CDH12: variants seen among roughly 807,000 people sequenced by gnomAD.
CDH12 encodes the protein cadherin 12, also known as cadherin-12.
In CDH12, 41 loss-of-function variants were observed where a neutral mutation model predicts 74.1. The observed-to-expected ratio is 0.55, with a 90% CI of 0.43 to 0.72. The LOEUF is 0.72. CDH12 is among the 30% of genes least tolerant of loss of function. The pLI is 0.00. For missense variants in CDH12, 945 were observed against 977.2 expected (o/e 0.97, Z 0.44); for synonymous variants, 399 against 355.0 (o/e 1.12, Z -1.39).
At chr5:22,350,140 A>G (rs1740298475) in intron 3 of CDH12, among the ~76,000 whole-genome samples, 1 of 152,232 alleles carries the variant, frequency 6.6e-6, no homozygotes, top group African/African-American at 2.4e-5. Flanking sequence ...CTAAGAAAAA[A>G]GAGAAAAGAC....
intron 1 of CDH12, among the ~76,000 whole-genome samples, chr5:22,817,761 G>A (rs1581030423): frequency 6.6e-6 from 1 of 152,254 alleles, no homozygotes; most frequent in South Asian, 2.1e-4. Flanking sequence ...GCTGTTAAAA[G>A]TAAATGGCTT....
intron 3 of CDH12, among the ~76,000 whole-genome samples, chr5:22,319,463 T>G (rs2150435809): frequency 6.6e-6 from 1 of 152,298 alleles, no homozygotes; most frequent in African/African-American, 2.4e-5. Context: ...ATTTAGGGTT[T>G]GTCTATGTGG....
At chr5:22,300,247 T>C (rs1248326095) in intron 3 of CDH12, among the ~76,000 whole-genome samples, 2 of 152,216 alleles carry the variant, frequency 1.3e-5, no homozygotes, top group Non-Finnish European at 2.9e-5. Flanking sequence ...TGGTATGCAC[T>C]TCGGCTTTGT....
intron 1 of CDH12, among the ~76,000 whole-genome samples, chr5:22,775,182 T>G (rs2126325281): frequency 6.6e-6 from 1 of 152,192 alleles, no homozygotes; most frequent in South Asian, 2.1e-4. Flanking sequence ...TAAGTGAAAT[T>G]TTGACCTAGT....
rs183195337 is a variant in CDH12 at position 22,169,227 on chromosome 5, C to T, written c.-187+43271G>A. Among the ~76,000 whole-genome samples, 399 of 151,578 alleles carry T rather than the reference C, an allele frequency of 2.6e-3. 3 individuals are homozygous for T. Among genetic ancestry groups the T allele is most frequent in the Non-Finnish European group, 4.2e-3 (282 of 67,804 alleles). ...TTTTTTCACTTTATCCTCTTCTACT[C>T]ATATTTATATATGCATATAAAGAGA... On this transcript the variant is annotated intron_variant, in intron 4 of 14. Transcript: ENST00000382254.
chr5:22,184,810 T>C (rs1205298778), intron 4 of CDH12, among the ~76,000 whole-genome samples: 1 of 152,194 alleles, frequency 6.6e-6, no homozygotes, highest in African/African-American at 2.4e-5. Context: ...GTGGAAAATG[T>C]TGCCAAGTCA....
At chr5:21,972,821 T>C (rs1421988374) in intron 6 of CDH12, among the ~76,000 whole-genome samples, 2 of 152,040 alleles carry the variant, frequency 1.3e-5, no homozygotes, top group Non-Finnish European at 2.9e-5. Context: ...GTGTATATTA[T>C]GTAAATTTAG....
intron 3 of CDH12, among the ~76,000 whole-genome samples, chr5:22,365,010 C>T (rs150304642): frequency 4.0e-4 from 61 of 152,314 alleles, no homozygotes; most frequent in African/African-American, 1.4e-3. Context: ...TTTAAAGTAA[C>T]ATGTAGGCTA....
intron 1 of CDH12, among the ~76,000 whole-genome samples, chr5:22,552,767 T>G (rs1561486243): frequency 6.6e-6 from 1 of 152,148 alleles, no homozygotes; most frequent in African/African-American, 2.4e-5. Flanking sequence ...ACAGGTATGA[T>G]GAGTTTTCAT....
At chr5:22,538,148 C>A (rs1737941720) in intron 1 of CDH12, among the ~76,000 whole-genome samples, 2 of 152,278 alleles carry the variant, frequency 1.3e-5, no homozygotes, top group Middle Eastern at 6.8e-3. Context: ...CAAGTGCATT[C>A]CATACCATTT....
At chr5:21,907,395 A>G (rs1753687185) in intron 6 of CDH12, among the ~76,000 whole-genome samples, 1 of 152,138 alleles carries the variant, frequency 6.6e-6, no homozygotes, top group Non-Finnish European at 1.5e-5. Flanking sequence ...TTAAGTGGGG[A>G]CTATCTGTGA....
At chr5:22,328,198 G>C (rs1484496300) in intron 3 of CDH12, among the ~76,000 whole-genome samples, 2 of 152,066 alleles carry the variant, frequency 1.3e-5, no homozygotes, top group Non-Finnish European at 2.9e-5. Flanking sequence ...TGATTGTCTT[G>C]ATCTTACTAA....
chr5:22,182,486 C>T (rs899971312), intron 4 of CDH12, among the ~76,000 whole-genome samples: 2 of 152,160 alleles, frequency 1.3e-5, no homozygotes, highest in Admixed American at 1.3e-4. Context: ...CATAAATGCT[C>T]ACCTAAAAGA....
chr5:22,474,391 T>C lies in CDH12; in HGVS notation c.-428+30879A>G, dbSNP rs191504793. Among the ~76,000 whole-genome samples, 319 of 152,280 alleles carry C rather than the reference T, an allele frequency of 2.1e-3. 1 individual carries two copies. Among genetic ancestry groups the C allele is most frequent in the African/African-American group, 7.4e-3 (309 of 41,570 alleles). ...ACTGCAGAAATTAGACCACAGTGAATGATTCTCATCGGAGTGGCATGATCA... is the reference window on the plus strand; with the variant it reads ...ACTGCAGAAATTAGACCACAGTGAACGATTCTCATCGGAGTGGCATGATCA... On this transcript the variant is annotated intron_variant, in intron 2 of 14. Coordinates refer to ENST00000382254, the MANE Select transcript of CDH12 (RefSeq NM_004061.5).
At chr5:22,758,635 C>T in intron 1 of CDH12, among the ~76,000 whole-genome samples, 1 of 151,680 alleles carries the variant, frequency 6.6e-6, no homozygotes. Flanking sequence ...GCAGCATTAA[C>T]AGAGCAAAGA....
intron 1 of CDH12, among the ~76,000 whole-genome samples, chr5:22,779,631 G>C (rs1003320574): frequency 2.6e-5 from 4 of 152,074 alleles, no homozygotes; most frequent in African/African-American, 9.7e-5. Flanking sequence ...TCCCCATGCC[G>C]GTCTTGTGAT....
chr5:21,948,298 C>T (rs1376431326), intron 6 of CDH12, among the ~76,000 whole-genome samples: 2 of 152,194 alleles, frequency 1.3e-5, no homozygotes, highest in African/African-American at 2.4e-5. Context: ...ACACTCAATG[C>T]CAGCCTGTGA....
intron 5 of CDH12, among the ~76,000 whole-genome samples, chr5:22,045,581 A>G (rs778046405): frequency 3.3e-4 from 50 of 149,550 alleles, no homozygotes; most frequent in Non-Finnish European, 3.2e-4. Flanking sequence ...ATATATATAC[A>G]AAAATGGTAC....
At chr5:22,837,477 T>A (rs1020789339) in intron 1 of CDH12, among the ~76,000 whole-genome samples, 1 of 152,082 alleles carries the variant, frequency 6.6e-6, no homozygotes, top group Non-Finnish European at 1.5e-5. Flanking sequence ...ATTAAAAAAA[T>A]GTTATTAGGT....
Sources: gnomAD v4.1 joint callset for allele counts (sites outside exome capture counted in the v4.1 genomes callset) on GRCh38, gnomAD v4.1.1 for gene constraint, MANE v1.5 for transcripts, NCBI Gene and HGNC (gene_info 2026-07-23, HGNC 2026-07-21) for gene names.